NLK: variants seen among roughly 807,000 people sequenced by gnomAD.
NLK encodes the protein serine/threonine-protein kinase NLK.
NLK carries 11 observed loss-of-function variants against 59.0 expected under a neutral mutation model. The observed-to-expected ratio is 0.19, with a 90% confidence interval of 0.12 to 0.31. The LOEUF is 0.31. Ranked by LOEUF, NLK falls within the 10% of genes least tolerant of loss-of-function variation. The pLI, the probability that NLK is intolerant of heterozygous loss-of-function variation, is 1.00. For synonymous variants in NLK, 235 were observed against 235.9 expected, an observed-to-expected ratio of 1.00 and a Z score of 0.03; for missense variants, 410 against 661.1, an observed-to-expected ratio of 0.62 and a Z score of 4.16.
At chr17:28,068,239 T>A (rs896477309) in intron 1 of NLK, among the ~76,000 whole-genome samples, 3 of 152,206 alleles carry the variant, frequency 2.0e-5, no homozygotes, top group Non-Finnish European at 4.4e-5. Flanking sequence ...ACTTTTCTCA[T>A]AAAATTAATT....
intron 2 of NLK, among the ~76,000 whole-genome samples, chr17:28,126,377 CATA>C (rs1288910675): frequency 1.3e-5 from 2 of 152,020 alleles, no homozygotes; most frequent in Non-Finnish European, 2.9e-5. Context: ...AGGCAAGTAC[CATA>C]ATATTAAGAA....
At chr17:28,156,454 T>G (rs1055249951) in intron 3 of NLK, among the ~76,000 whole-genome samples, 15 of 152,180 alleles carry the variant, frequency 9.9e-5, no homozygotes, top group Non-Finnish European at 1.3e-4. Context: ...AGAGTCACTT[T>G]TTGAATAAGG....
At chr17:28,157,510 A>G (rs570936652) in intron 3 of NLK, among the ~76,000 whole-genome samples, 2 of 152,032 alleles carry the variant, frequency 1.3e-5, no homozygotes, top group Non-Finnish European at 2.9e-5. Flanking sequence ...AACTTTTTAT[A>G]GAGATGGGAT....
the NLK span, among the ~76,000 whole-genome samples, chr17:28,202,535 T>C: frequency 4.1e-4 from 62 of 152,062 alleles, no homozygotes; most frequent in African/African-American, 9.6e-4. Flanking sequence ...ATGAGAGATA[T>C]TGATCTGTAG....
chr17:28,166,154 G>T (rs188575340), intron 5 of NLK, among the ~76,000 whole-genome samples: 3 of 152,358 alleles, frequency 2.0e-5, no homozygotes, highest in Non-Finnish European at 4.4e-5. Context: ...GGCAGACGTT[G>T]CAGTGAGCCG....
intron 1 of NLK, among the ~76,000 whole-genome samples, chr17:28,081,757 A>G (rs1910353940): frequency 6.6e-6 from 1 of 152,204 alleles, no homozygotes; most frequent in Non-Finnish European, 1.5e-5. Flanking sequence ...GACATCTCCA[A>G]GCAAATTCCC....
intron 3 of NLK, among the ~76,000 whole-genome samples, chr17:28,141,601 GGAA>G (rs1906996329): frequency 6.6e-6 from 1 of 152,124 alleles, no homozygotes; most frequent in Non-Finnish European, 1.5e-5. Context: ...GTCTAGATAT[GGAA>G]GTAAGTTTTT....
chr17:28,158,171 T>G (rs2142045108), intron 3 of NLK, among the ~76,000 whole-genome samples: 1 of 152,332 alleles, frequency 6.6e-6, no homozygotes, highest in East Asian at 1.9e-4. Flanking sequence ...CTGTATGGTA[T>G]AACCTATTCC....
intron 1 of NLK, among the ~76,000 whole-genome samples, chr17:28,110,562 C>A (rs952186224): frequency 3.3e-5 from 5 of 150,552 alleles, no homozygotes; most frequent in Admixed American, 2.6e-4. Flanking sequence ...ACCATTATTT[C>A]TTTTTCTTCA....
chr17:28,090,361 A>G (rs1296878976), intron 1 of NLK, among the ~76,000 whole-genome samples: 3 of 152,160 alleles, frequency 2.0e-5, no homozygotes, highest in African/African-American at 7.2e-5. Context: ...TAATACCAAA[A>G]GTCTTTATAT....
intron 1 of NLK, among the ~76,000 whole-genome samples, chr17:28,109,120 A>G (rs867146910): frequency 1.3e-5 from 2 of 152,118 alleles, no homozygotes; most frequent in African/African-American, 4.8e-5. Flanking sequence ...GCAGTGAGCC[A>G]AGATCGCACC....
chr17:28,063,428 T>C (rs974616093), intron 1 of NLK, among the ~76,000 whole-genome samples: 1 of 152,118 alleles, frequency 6.6e-6, no homozygotes, highest in Non-Finnish European at 1.5e-5. Flanking sequence ...ATATATACAC[T>C]TTTTTCATCA....
chr17:28,068,097 A>G (rs1400040766), intron 1 of NLK, among the ~76,000 whole-genome samples: 2 of 150,270 alleles, frequency 1.3e-5, no homozygotes, highest in Non-Finnish European at 3.0e-5. Context: ...GCCGAGAGGG[A>G]GCCACCACAC....
Position 28,077,073 on chromosome 17 carries a change from C to CTTTTTTTTTTTTTTTT in NLK, c.458+33752_458+33767dup, listed in dbSNP as rs35639099. On this transcript the variant is annotated intron_variant, in intron 1 of 10. Transcript: ENST00000407008. ...CTTTGCTTTGTACTTCTCTTTCTTT[C>CTTTTTTTTTTTTTTTT]TTTTTTTTTTTTTTTTTTTTTTTTT... 2.8e-4 allele frequency among the ~76,000 whole-genome samples: 12 copies of CTTTTTTTTTTTTTTTT among 42,490 alleles called. 1 individual carries two copies. Among genetic ancestry groups the CTTTTTTTTTTTTTTTT allele is most frequent in the Admixed American group, 5.5e-4 (2 of 3,642 alleles). The allele number at this position is 42,490 out of a possible 152,430, so 27.9% of individuals were successfully genotyped here. A position where few individuals can be genotyped will look rare whatever the true frequency, so the allele number is the denominator to read the frequency against.
chr17:28,163,270 C>T (rs1024903164), intron 4 of NLK, among the ~76,000 whole-genome samples: 2 of 152,176 alleles, frequency 1.3e-5, no homozygotes, highest in Non-Finnish European at 2.9e-5. Flanking sequence ...GGTCTTAACT[C>T]GAGTGCCTAA....
Position 28,075,903 on chromosome 17 carries a change from A to C in NLK, c.458+32572A>C, listed in dbSNP as rs376755838. 6.6e-5 allele frequency among the ~76,000 whole-genome samples: 10 copies of C among 152,330 alleles called. 1 individual carries two copies. Among genetic ancestry groups the C allele is most frequent in the African/African-American group, 2.2e-4 (9 of 41,574 alleles). On this transcript the variant is annotated intron_variant, in intron 1 of 10. Transcript: ENST00000407008. ...TGTTTTGGAATGGGGTGGGATATAG[A>C]TAAAAGCTAAAAACGTCAACAGATA... is the stretch of plus-strand genomic sequence containing the variant.
intron 2 of NLK, among the ~76,000 whole-genome samples, chr17:28,123,155 T>C (rs1906139353): frequency 2.6e-5 from 4 of 152,210 alleles, no homozygotes; most frequent in African/African-American, 7.2e-5. Context: ...TTGTATGACA[T>C]GCACAAGCCC....
intron 1 of NLK, among the ~76,000 whole-genome samples, chr17:28,118,277 A>C (rs1189489388): frequency 6.6e-6 from 1 of 152,210 alleles, no homozygotes; most frequent in African/African-American, 2.4e-5. Flanking sequence ...ATGTATAGCA[A>C]GAAATGGAGG....
chr17:28,193,113 A>C (rs1238889506), intron 10 of NLK, among the ~76,000 whole-genome samples: 1 of 152,258 alleles, frequency 6.6e-6, no homozygotes, highest in East Asian at 1.9e-4. Context: ...CAAACGGGGA[A>C]AATTCAGTAA....
Sources: gnomAD v4.1 joint callset for allele counts (sites outside exome capture counted in the v4.1 genomes callset) on GRCh38, gnomAD v4.1.1 for gene constraint, MANE v1.5 for transcripts, NCBI Gene and HGNC (gene_info 2026-07-23, HGNC 2026-07-21) for gene names.